The following NAMPT variants were observed in gnomAD, a reference collection of about 807,000 sequenced individuals.
The protein encoded by NAMPT is NAmPRTase.
NAMPT carries 7 observed loss-of-function variants against 58.7 expected under a neutral mutation model. The observed-to-expected ratio is 0.12, with a 90% confidence interval of 0.07 to 0.22. The LOEUF is 0.22. Ranked by LOEUF, NAMPT falls within the 10% of genes least tolerant of loss-of-function variation. The pLI is 1.00. For missense variants in NAMPT, 271 were observed against 567.9 expected (o/e 0.48, Z 5.31); for synonymous variants, 145 against 198.1 (o/e 0.73, Z 2.25).
At chr7:106,262,935 A>C (rs1478488071) in intron 7 of NAMPT, among the ~76,000 whole-genome samples, 1 of 152,138 alleles carries the variant, frequency 6.6e-6, no homozygotes, top group African/African-American at 2.4e-5. Context: ...CTGCTACATT[A>C]TGAATCAACA....
At chr7:106,282,113 T>A (rs559022565) in intron 1 of NAMPT, among the ~76,000 whole-genome samples, 1 of 152,128 alleles carries the variant, frequency 6.6e-6, no homozygotes, top group African/African-American at 2.4e-5. Flanking sequence ...GAGGCTCAGG[T>A]TGACTCAGGA....
chr7:106,255,136 G>A (rs1437495918), intron 8 of NAMPT, among the ~76,000 whole-genome samples: 4 of 152,176 alleles, frequency 2.6e-5, no homozygotes, highest in Non-Finnish European at 5.9e-5. Flanking sequence ...TTGGGAGAAT[G>A]ATTAGTTATA....
rs752937499 is a variant in NAMPT, at chr7:106,272,590, A to G, written c.387T>C (p.Asn129=). ...VPEGFVIPRG[N]VLFTVENTDP... ...CTGTGTTTTCCACCGTGAAGAGAAC[A>G]TTTCCTCTGGGAATGACAAAGCCCT... The change falls in exon 4 of 11, where the codon AAT becomes AAC. Residue 129 remains asparagine (N), a synonymous_variant. Coordinates refer to ENST00000222553, the MANE Select transcript of NAMPT (RefSeq NM_005746.3). 1.9e-6 allele frequency: 3 copies of G among 1,613,480 alleles called. No individual in the cohort carries two copies. Among genetic ancestry groups the G allele is most frequent in the Admixed American group, 1.7e-5 (1 of 60,020 alleles).
At position 106,284,905 on chromosome 7, in the gene NAMPT, C is replaced by T; in HGVS notation, c.-21G>A. 1.9e-6 allele frequency: 3 copies of T among 1,574,542 alleles called. No individual in the cohort carries two copies. The highest frequency in any genetic ancestry group is 2.6e-6 in the Non-Finnish European group (3 of 1,159,202). On this transcript the variant is annotated 5_prime_UTR_variant, in exon 1 of 11. Coordinates refer to ENST00000222553, the MANE Select transcript of NAMPT (RefSeq NM_005746.3). ...TTCATCTCGGGCCGGAGGACAGGGG[C>T]CGCGCGCCGCGAGCTCCCTGGCGCG...
At chr7:106,253,179 A>C in intron 9 of NAMPT, 28 bp from the exon 10 acceptor site, 1 of 1,607,572 alleles carries the variant, frequency 6.2e-7, no homozygotes, top group East Asian at 2.2e-5. Context: ...AAAGTTAGAC[A>C]AGTAGAAGAC....
At chr7:106,271,579 C>T (rs1410270238) in intron 4 of NAMPT, among the ~76,000 whole-genome samples, 1 of 151,988 alleles carries the variant, frequency 6.6e-6, no homozygotes, top group African/African-American at 2.4e-5. Context: ...TATTTAAAAC[C>T]TTTATTTAAC....
chr7:106,256,054 A>G (rs1792193157), intron 8 of NAMPT, among the ~76,000 whole-genome samples: 1 of 152,216 alleles, frequency 6.6e-6, no homozygotes, highest in African/African-American at 2.4e-5. Flanking sequence ...GTGAATTTTG[A>G]GTCTGGGAAG....
At chr7:106,284,697 G>T in intron 1 of NAMPT, 131 bp downstream of exon 1, 3 of 1,063,298 alleles carry the variant, frequency 2.8e-6, no homozygotes, top group Non-Finnish European at 3.5e-6. Context: ...GCCTCCCCCG[G>T]GCCTCCCCGC....
At chr7:106,284,126 A>G (rs1447151777) in intron 1 of NAMPT, among the ~76,000 whole-genome samples, 1 of 152,180 alleles carries the variant, frequency 6.6e-6, no homozygotes, top group African/African-American at 2.4e-5. Context: ...TAATGACCCT[A>G]AAGCAGATAA....
rs768667811 is a variant in NAMPT, at chr7:106,248,331, C to G, written c.*2752G>C. 1.3e-5 allele frequency: 2 copies of G among 152,476 alleles called. No individual in the cohort carries two copies. The highest frequency in any genetic ancestry group is 2.4e-5 in the African/African-American group (1 of 41,412). The allele number at this position is 152,476 out of a possible 1,614,324, so 9.4% of individuals were successfully genotyped here. On this transcript the variant is annotated 3_prime_UTR_variant, in exon 11 of 11. Coordinates refer to ENST00000222553, the MANE Select transcript of NAMPT (RefSeq NM_005746.3). ...CTAAACTTTATTTCCATGTTTATTA[C>G]ATGTTTATAACTTGATGTTGAGTAC...
chr7:106,254,244 C>T (rs1792155200), intron 9 of NAMPT, 120 bp downstream of exon 9: 2 of 1,098,516 alleles, frequency 1.8e-6, no homozygotes, highest in African/African-American at 1.6e-5. Context: ...GTCAGTAGTA[C>T]CCAACAACAT....
At chr7:106,279,602 T>C (rs933657818) in intron 1 of NAMPT, among the ~76,000 whole-genome samples, 11 of 152,222 alleles carry the variant, frequency 7.2e-5, no homozygotes, top group East Asian at 1.9e-4. Context: ...ACCAGAAAAT[T>C]GGATGATATA....
chr7:106,264,418 T>C (rs1380560178), intron 6 of NAMPT, among the ~76,000 whole-genome samples: 3 of 152,104 alleles, frequency 2.0e-5, no homozygotes, highest in African/African-American at 4.8e-5. Flanking sequence ...GTATCGCTTA[T>C]TTGAAATGCT....
At chr7:106,267,997 G>C (rs908106076) in intron 6 of NAMPT, among the ~76,000 whole-genome samples, 5 of 151,462 alleles carry the variant, frequency 3.3e-5, no homozygotes, top group Non-Finnish European at 7.4e-5. Context: ...AGCGTAAAAA[G>C]AATCTGAACA....
chr7:106,257,144 CAAAAA>C (rs919905307), intron 8 of NAMPT, among the ~76,000 whole-genome samples: 1 of 136,374 alleles, frequency 7.3e-6, no homozygotes, highest in South Asian at 2.3e-4. Context: ...AACTCCATCT[CAAAAA>C]AAAAAAAGAG....
chr7:106,272,094 C>G (rs770549285), intron 4 of NAMPT: 4 of 383,434 alleles, frequency 1.0e-5, no homozygotes, highest in Non-Finnish European at 2.1e-5. Flanking sequence ...GATGGTAGAT[C>G]CTAAGACCTA....
chr7:106,284,638 T>G, intron 1 of NAMPT, 190 bp downstream of exon 1: 1 of 503,124 alleles, frequency 2.0e-6, no homozygotes, highest in Non-Finnish European at 2.7e-6. Flanking sequence ...TCAAGCCACC[T>G]CCTGCCCACT....
intron 1 of NAMPT, among the ~76,000 whole-genome samples, chr7:106,280,856 G>A (rs1163755977): frequency 6.6e-6 from 1 of 151,672 alleles, no homozygotes; most frequent in Non-Finnish European, 1.5e-5. Context: ...CAAGAGAATC[G>A]CTTGAACCTG....
intron 6 of NAMPT, 70 bp downstream of exon 6, chr7:106,268,394 A>AAATGTCAC (rs1253728334): frequency 1.4e-6 from 2 of 1,465,484 alleles, no homozygotes; most frequent in Admixed American, 2.0e-5. Flanking sequence ...CAGTTAGGTA[A>AAATGTCAC]AATGTCACTG....
Sources: allele counts gnomAD v4.1 joint callset (sites outside exome capture counted in the v4.1 genomes callset), GRCh38; gene constraint gnomAD v4.1.1; transcripts MANE v1.5; gene names NCBI Gene and HGNC (gene_info 2026-07-23, HGNC 2026-07-21).